The following ZBTB20 variants were observed in gnomAD, a reference collection of about 807,000 sequenced individuals.
ZBTB20 encodes zinc finger and BTB domain-containing protein 20.
ZBTB20 carries 9 observed loss-of-function variants against 56.9 expected under a neutral mutation model. The ratio of observed to expected loss-of-function variants is 0.16; its 90% CI spans 0.10 to 0.28. The LOEUF (loss-of-function observed/expected upper bound fraction) is 0.28, where lower values mean the gene tolerates loss of function less well. Ranked by LOEUF, ZBTB20 falls within the 10% of genes least tolerant of loss-of-function variation. ZBTB20 has a pLI of 1.00. For synonymous variants in ZBTB20, 417 were observed against 420.7 expected (o/e 0.99, Z 0.11); for missense variants, 655 against 1,003.0 (o/e 0.65, Z 4.69).
intron 2 of ZBTB20, among the ~76,000 whole-genome samples, chr3:115,050,357 A>C (rs962692251): frequency 2.8e-4 from 42 of 151,984 alleles, no homozygotes; most frequent in African/African-American, 8.9e-4. Flanking sequence ...CTCATATCTA[A>C]AGCTCCCTTC....
chr3:114,694,871 T>A (rs929683860), intron 5 of ZBTB20, among the ~76,000 whole-genome samples: 2 of 152,020 alleles, frequency 1.3e-5, no homozygotes, highest in African/African-American at 4.8e-5. Context: ...GCAGAAAGGA[T>A]AAAAAGGCCT....
intron 6 of ZBTB20, among the ~76,000 whole-genome samples, chr3:114,576,222 G>A (rs113143366): frequency 2.0e-5 from 3 of 151,734 alleles, no homozygotes; most frequent in South Asian, 2.1e-4. Context: ...TAATTTAGCC[G>A]GGCGTGGTGG....
chr3:114,979,417 A>G (rs1044822242), intron 2 of ZBTB20, among the ~76,000 whole-genome samples: 1 of 152,002 alleles, frequency 6.6e-6, no homozygotes, highest in Non-Finnish European at 1.5e-5. Context: ...CATGCTGTTC[A>G]TTCCCATATA....
intron 3 of ZBTB20, among the ~76,000 whole-genome samples, chr3:114,960,480 T>A (rs2107969417): frequency 6.6e-6 from 1 of 152,352 alleles, no homozygotes; most frequent in South Asian, 2.1e-4. Flanking sequence ...AGAGGATTAA[T>A]AATTGCCCAA....
At chr3:114,356,449 G>A (rs865920694) in intron 10 of ZBTB20, among the ~76,000 whole-genome samples, 3 of 152,224 alleles carry the variant, frequency 2.0e-5, no homozygotes, top group Non-Finnish European at 2.9e-5. Context: ...ACTAGTGCAA[G>A]GGTAAGATGC....
At chr3:114,402,141 G>T (rs2086877523) in intron 7 of ZBTB20, among the ~76,000 whole-genome samples, 2 of 152,196 alleles carry the variant, frequency 1.3e-5, no homozygotes, top group African/African-American at 4.8e-5. Flanking sequence ...ACATGAAACA[G>T]TGGACTAGAC....
At position 114,835,336 on chromosome 3, in the gene ZBTB20, G is replaced by A. The variant is rs6438227; in HGVS notation, c.-416-34162C>T. On this transcript the variant is annotated intron_variant, in intron 4 of 11. Transcript: ENST00000675478. ...CTTTTATAGATTTGGATTTTTTTTT[G>A]TCATAAAGTATTCTATTTATTTCCC... is the stretch of plus-strand genomic sequence containing the variant. Among the ~76,000 whole-genome samples the A allele has an allele frequency of 2.7e-5, 4 of 149,926 alleles. No individual in the cohort carries two copies. The South Asian group carries it at 8.3e-4, about 31-fold the overall frequency.
rs528323681 is a variant in ZBTB20 at position 114,618,994 on chromosome 3, G to T, written c.-295+74534C>A. On this transcript the variant is annotated intron_variant, in intron 6 of 11. Transcript: ENST00000675478. Reference sequence around the variant, plus strand: ...TCCCCTTTCTTTAATTTTCACAAGTGGATTAGGCACTCATATAATTTTGCC... The same window carrying T: ...TCCCCTTTCTTTAATTTTCACAAGTTGATTAGGCACTCATATAATTTTGCC... Among the ~76,000 whole-genome samples, 73 of 152,212 alleles carry T rather than the reference G, an allele frequency of 4.8e-4. 1 individual carries two copies. The South Asian group carries it at 0.015, about 32-fold the overall frequency.
intron 4 of ZBTB20, among the ~76,000 whole-genome samples, chr3:114,868,396 T>C (rs761165304): frequency 1.3e-5 from 2 of 152,164 alleles, no homozygotes; most frequent in Non-Finnish European, 2.9e-5. Context: ...TTGAGCACAG[T>C]ATATTGTCCT....
At chr3:114,810,790 C>A (rs1006152636) in intron 4 of ZBTB20, among the ~76,000 whole-genome samples, 6 of 152,080 alleles carry the variant, frequency 3.9e-5, no homozygotes, top group African/African-American at 1.4e-4. Flanking sequence ...CTGCAGGTAT[C>A]CATGCATGTG....
intron 6 of ZBTB20, among the ~76,000 whole-genome samples, chr3:114,626,663 T>C (rs2058672952): frequency 6.6e-6 from 1 of 152,172 alleles, no homozygotes; most frequent in Admixed American, 6.5e-5. Context: ...TGTGAAATCC[T>C]TGAATTTGGG....
intron 6 of ZBTB20, among the ~76,000 whole-genome samples, chr3:114,630,594 G>T (rs191946904): frequency 6.6e-6 from 1 of 152,332 alleles, no homozygotes; most frequent in East Asian, 1.9e-4. Context: ...GCTACATGCT[G>T]TAAAGGTTGC....
chr3:114,373,182 G>C (rs1283251235), intron 10 of ZBTB20, among the ~76,000 whole-genome samples: 2 of 152,208 alleles, frequency 1.3e-5, no homozygotes, highest in African/African-American at 2.4e-5. Context: ...CCAAAGTGCG[G>C]GGATTACAGG....
At chr3:114,493,122 G>A (rs988564542) in intron 7 of ZBTB20, among the ~76,000 whole-genome samples, 8 of 151,986 alleles carry the variant, frequency 5.3e-5, no homozygotes, top group African/African-American at 1.5e-4. Flanking sequence ...GATAAGAATC[G>A]TAACAGTACA....
intron 1 of ZBTB20, among the ~76,000 whole-genome samples, chr3:115,086,440 A>G (rs1319855419): frequency 6.6e-6 from 1 of 151,802 alleles, no homozygotes; most frequent in Non-Finnish European, 1.5e-5. Flanking sequence ...TCCACCTCCA[A>G]CAAAGCTTTA....
intron 4 of ZBTB20, among the ~76,000 whole-genome samples, chr3:114,893,599 T>G (rs1285458123): frequency 6.6e-6 from 1 of 152,124 alleles, no homozygotes; most frequent in Admixed American, 6.5e-5. Flanking sequence ...CTGGCTTTCA[T>G]GTAAGCAGAA....
chr3:114,562,199 G>A (rs1372033478), intron 6 of ZBTB20, among the ~76,000 whole-genome samples: 3 of 148,786 alleles, frequency 2.0e-5, no homozygotes, highest in South Asian at 2.1e-4. Flanking sequence ...TTTTTGAGAC[G>A]GTGTCACTAG....
chr3:114,995,739 C>T (rs1387300683), intron 2 of ZBTB20, among the ~76,000 whole-genome samples: 5 of 151,818 alleles, frequency 3.3e-5, no homozygotes. Context: ...CCCCACAAAT[C>T]TCTGGTCTAT....
intron 2 of ZBTB20, among the ~76,000 whole-genome samples, chr3:115,029,153 A>C (rs935697800): frequency 6.6e-6 from 1 of 150,924 alleles, no homozygotes; most frequent in Non-Finnish European, 1.5e-5. Flanking sequence ...TAAAAAATAA[A>C]AACTACATAG....
Sources: gnomAD v4.1 joint callset for allele counts (sites outside exome capture counted in the v4.1 genomes callset) on GRCh38, gnomAD v4.1.1 for gene constraint, MANE v1.5 for transcripts, NCBI Gene and HGNC (gene_info 2026-07-23, HGNC 2026-07-21) for gene names.